Variants in STIL observed in about 807,000 individuals in gnomAD.
STIL encodes the protein SCL-interrupting locus protein.
In STIL, 55 loss-of-function variants were observed where a neutral mutation model predicts 110.1. The ratio of observed to expected loss-of-function variants is 0.50; its 90% CI spans 0.40 to 0.63. The LOEUF is 0.63. STIL is among the 20% of genes least tolerant of loss of function. The pLI is 0.00. For synonymous variants in STIL, 481 were observed against 530.0 expected (o/e 0.91, Z 1.27); for missense variants, 1,358 against 1,530.0 (o/e 0.89, Z 1.87).
chr1:47,276,122 C>G (rs913277168), intron 12 of STIL, among the ~76,000 whole-genome samples: 1 of 151,820 alleles, frequency 6.6e-6, no homozygotes, highest in Non-Finnish European at 1.5e-5. Flanking sequence ...CATGCCTCAG[C>G]CTCCTAAGTA....
chr1:47,274,851 C>T lies in STIL; in HGVS notation c.2218-2610G>A, dbSNP rs140444226. On this transcript the variant is annotated intron_variant, in intron 12 of 16. Transcript: ENST00000371877. ...GCAAACATATGATACTTTCATTATACAATAAAAAATGCATCTCTTGCTGGG... is the reference window on the plus strand; with the variant it reads ...GCAAACATATGATACTTTCATTATATAATAAAAAATGCATCTCTTGCTGGG... Among the ~76,000 whole-genome samples the T allele has an allele frequency of 7.0e-3, 1,064 of 151,822 alleles. 11 individuals carry two copies. Among genetic ancestry groups the T allele is most frequent in the African/African-American group, 0.024 (1,014 of 41,404 alleles).
chr1:47,269,905 C>A, intron 13 of STIL, 39 bp from the exon 14 acceptor site: 1 of 1,561,516 alleles, frequency 6.4e-7, no homozygotes, highest in South Asian at 1.1e-5. Context: ...AACAAACATT[C>A]AACTTTAAAA....
At position 47,260,448 on chromosome 1, in the gene STIL, G is replaced by A. The variant is rs1205830734; in HGVS notation, c.2921C>T (p.Thr974Ile). 2 of 1,614,022 alleles carry A rather than the reference G, an allele frequency of 1.2e-6. No homozygotes were observed. The highest frequency in any genetic ancestry group is 8.5e-7 in the Non-Finnish European group (1 of 1,180,034). Residue 974 changes from threonine (T) to isoleucine (I), a missense_variant, in exon 16 of 17, where the codon ACC becomes ATC. Transcript: ENST00000371877. ...AVIISHECTR[T>I]QNVYHTKKKT... is the part of the protein sequence containing the mutation. ...TTTCTTTGTATGGTAAACGTTTTGG[G>A]TTCTGGTGCATTCATGACTGATAAT...
intron 7 of STIL, among the ~76,000 whole-genome samples, chr1:47,295,355 A>G (rs1013742367): frequency 6.6e-6 from 1 of 152,010 alleles, no homozygotes; most frequent in Non-Finnish European, 1.5e-5. Flanking sequence ...TGAGGCGGGT[A>G]AATCACTTGA....
chr1:47,262,951 G>A lies in STIL; in HGVS notation c.2781C>T (p.Pro927=), dbSNP rs1644527547. Residue 927 remains proline, a synonymous_variant, in exon 15 of 17, where the codon CCC becomes CCT. Coordinates refer to ENST00000371877, the MANE Select transcript of STIL (RefSeq NM_001048166.1). ...EEPKIEHVMQ[P]LLHQPSDNQK... ...GGTTATCTGATGGTTGATGAAGCAA[G>A]GGTTGCATTACATGCTCAATTTTTG... is the stretch of plus-strand genomic sequence containing the variant. 1 of 1,614,152 alleles carries A rather than the reference G, an allele frequency of 6.2e-7. No homozygotes were observed. The highest frequency in any genetic ancestry group is 8.5e-7 in the Non-Finnish European group (1 of 1,180,030).
Position 47,263,056 on chromosome 1 carries a change from C to T in STIL, c.2676G>A (p.Gln892=). The change falls in exon 15 of 17, where the codon CAG becomes CAA. Residue 892 remains glutamine (Q), a synonymous_variant. Coordinates refer to ENST00000371877, the MANE Select transcript of STIL (RefSeq NM_001048166.1). ...AACACATGCTTACACTTTCTGCCAG[C>T]TGGCCACTTGGAAAGAACACAGGTA... is the stretch of plus-strand genomic sequence containing the variant. ...PDVPVFFPSG[Q]LAESVSMCLQ... 3 of 1,614,172 alleles carry T rather than the reference C, an allele frequency of 1.9e-6. No homozygotes were observed. The highest frequency in any genetic ancestry group is 2.5e-6 in the Non-Finnish European group (3 of 1,180,028).
chr1:47,274,345 T>C (rs1052696804), intron 12 of STIL, among the ~76,000 whole-genome samples: 6 of 150,740 alleles, frequency 4.0e-5, no homozygotes, highest in Admixed American at 1.3e-4. Context: ...TTCTTTTTTT[T>C]CTTTGAGACA....
intron 14 of STIL, among the ~76,000 whole-genome samples, chr1:47,265,911 C>T (rs570707574): frequency 2.0e-5 from 3 of 152,156 alleles, no homozygotes; most frequent in East Asian, 1.9e-4. Flanking sequence ...CTTAGCCTCC[C>T]GAACAGCTGG....
intron 14 of STIL, among the ~76,000 whole-genome samples, chr1:47,268,126 T>TTATA (rs903424873): frequency 3.9e-5 from 6 of 152,172 alleles, no homozygotes; most frequent in African/African-American, 1.4e-4. Context: ...ATAGACTCTT[T>TTATA]TATATATAAT....
At position 47,281,193 on chromosome 1, in the gene STIL, G is replaced by A. The variant is rs761569835; in HGVS notation, c.1265C>T (p.Pro422Leu). 1.2e-6 allele frequency: 2 copies of A among 1,612,580 alleles called. No homozygotes were observed. Among genetic ancestry groups the A allele is most frequent in the South Asian group, 2.2e-5 (2 of 90,410 alleles). ...CACAAGTGAAAGTTCAGGAACTGATGGTTGGATCTTAGAAATCTACAAATA... is the reference window on the plus strand; with the variant it reads ...CACAAGTGAAAGTTCAGGAACTGATAGTTGGATCTTAGAAATCTACAAATA... ...PVSQKISKIQPSVPELSLVLD... is the reference protein window; with the variant it reads ...PVSQKISKIQLSVPELSLVLD... Residue 422 changes from proline (P) to leucine (L), a missense_variant, in exon 12 of 17, where the codon CCA becomes CTA. By Grantham distance (98) the Pro-to-Leu change is moderately conservative (BLOSUM62 -3). Coordinates refer to ENST00000371877, the MANE Select transcript of STIL (RefSeq NM_001048166.1).
At chr1:47,269,957 C>G in intron 13 of STIL, 91 bp from the exon 14 acceptor site, 1 of 1,261,674 alleles carries the variant, frequency 7.9e-7, no homozygotes, top group Non-Finnish European at 1.2e-6. Flanking sequence ...GCCATATTGG[C>G]TGGGTGCAAT....
intron 2 of STIL, among the ~76,000 whole-genome samples, chr1:47,305,755 C>T (rs573685776): frequency 3.1e-5 from 2 of 63,662 alleles, no homozygotes; most frequent in African/African-American, 1.1e-4. Flanking sequence ...TTTTTTCAGA[C>T]GGAGTCTTAC....
intron 16 of STIL, among the ~76,000 whole-genome samples, chr1:47,256,860 G>T (rs1025103580): frequency 6.6e-6 from 1 of 151,968 alleles, no homozygotes; most frequent in Non-Finnish European, 1.5e-5. Flanking sequence ...CGGGCATGGT[G>T]GCGCATGCCT....
chr1:47,250,625 G>A lies in STIL; in HGVS notation c.*511C>T, dbSNP rs531700845. ...ACCTGAGGTCGGGAGTTTGAGACCA[G>A]CCTGACCAACATGGAGAAACCAGTC... On this transcript the variant is annotated 3_prime_UTR_variant, in exon 17 of 17. Transcript: ENST00000371877. 6.2e-6 allele frequency: 1 copy of A among 160,232 alleles called. No homozygotes were observed. The highest frequency in any genetic ancestry group is 2.0e-4 in the South Asian group (1 of 4,974). 9.9% of individuals were successfully genotyped at this position (160,232 alleles called of 1,614,324 possible).
chr1:47,253,997 G>A (rs1314243701), intron 16 of STIL, among the ~76,000 whole-genome samples: 1 of 151,820 alleles, frequency 6.6e-6, no homozygotes, highest in East Asian at 1.9e-4. Context: ...TGGCCAACAT[G>A]GCAAAACCCC....
chr1:47,257,858 G>A (rs1644369213), intron 16 of STIL, among the ~76,000 whole-genome samples: 2 of 152,150 alleles, frequency 1.3e-5, no homozygotes, highest in African/African-American at 2.4e-5. Context: ...TGTGTATTAC[G>A]ATATCTCTTA....
At chr1:47,290,175 T>C (rs1410629795) in intron 8 of STIL, among the ~76,000 whole-genome samples, 1 of 152,074 alleles carries the variant, frequency 6.6e-6, no homozygotes, top group African/African-American at 2.4e-5. Flanking sequence ...CTGAAGAAAA[T>C]ACAAGTGATT....
chr1:47,258,086 T>C (rs1644374566), intron 16 of STIL, among the ~76,000 whole-genome samples: 3 of 152,204 alleles, frequency 2.0e-5, no homozygotes, highest in Non-Finnish European at 4.4e-5. Context: ...AAGCAATATT[T>C]GCAAAAGATC....
intron 16 of STIL, among the ~76,000 whole-genome samples, chr1:47,258,293 C>T (rs1644380420): frequency 6.6e-6 from 1 of 152,182 alleles, no homozygotes; most frequent in Admixed American, 6.5e-5. Context: ...GCAATGGTAG[C>T]ATCTACTAAG....
Sources: allele counts gnomAD v4.1 joint callset (sites outside exome capture counted in the v4.1 genomes callset), GRCh38; gene constraint gnomAD v4.1.1; transcripts MANE v1.5; gene names NCBI Gene and HGNC (gene_info 2026-07-23, HGNC 2026-07-21).